The following WHRN variants were observed in gnomAD, a reference collection of about 807,000 sequenced individuals.
The protein encoded by WHRN is CASK-interacting protein CIP98.
In WHRN, 41 loss-of-function variants were observed where a neutral mutation model predicts 68.3. That is an observed-to-expected ratio of 0.60 (90% CI 0.47 to 0.78). WHRN has a LOEUF of 0.78. WHRN is among the 30% of genes least tolerant of loss of function. WHRN has a pLI of 0.00. For synonymous variants in WHRN, 560 were observed against 561.3 expected, an observed-to-expected ratio of 1.00 and a Z score of 0.03; for missense variants, 1,243 against 1,244.7, an observed-to-expected ratio of 1.00 and a Z score of 0.02.
chr9:114,491,395 T>G (rs1362812606), intron 1 of WHRN, among the ~76,000 whole-genome samples: 1 of 152,224 alleles, frequency 6.6e-6, no homozygotes, highest in Non-Finnish European at 1.5e-5. Flanking sequence ...TGCAAAACTC[T>G]TGTGATAAAT....
Position 114,486,979 on chromosome 9 carries a change from A to G in WHRN, c.619-8208T>C, listed in dbSNP as rs1284852219. On this transcript the variant is annotated intron_variant, in intron 1 of 11. Coordinates refer to ENST00000362057, the MANE Select transcript of WHRN (RefSeq NM_015404.4). ...TGTGTGTATATATATATATATATAT[A>G]TATATATATATATATATATATATAT... Among the ~76,000 whole-genome samples, 21 of 3,046 alleles carry G rather than the reference A, an allele frequency of 6.9e-3. 2 individuals carry two copies. Among genetic ancestry groups the G allele is most frequent in the African/African-American group, 8.8e-3 (21 of 2,398 alleles). The allele number at this position is 3,046 out of a possible 152,430, so 2.0% of individuals were successfully genotyped here.
At chr9:114,446,868 C>T (rs1838864177) in intron 3 of WHRN, among the ~76,000 whole-genome samples, 1 of 152,090 alleles carries the variant, frequency 6.6e-6, no homozygotes, top group Admixed American at 6.5e-5. Context: ...CTTGGAAAAG[C>T]TGTTGGAGCA....
At chr9:114,483,766 G>C (rs545745001) in intron 1 of WHRN, among the ~76,000 whole-genome samples, 85 of 152,358 alleles carry the variant, frequency 5.6e-4, no homozygotes, top group South Asian at 1.0e-3. Context: ...CTCTGGCAAT[G>C]AGCAGGTTGG....
At chr9:114,454,252 T>C (rs915365373) in intron 3 of WHRN, among the ~76,000 whole-genome samples, 4 of 152,170 alleles carry the variant, frequency 2.6e-5, no homozygotes, top group African/African-American at 7.2e-5. Context: ...ATACTAGACA[T>C]TGTAGTCAGT....
At chr9:114,436,693 G>A (rs758139417) in intron 3 of WHRN, among the ~76,000 whole-genome samples, 2 of 152,100 alleles carry the variant, frequency 1.3e-5, no homozygotes, top group Non-Finnish European at 2.9e-5. Flanking sequence ...GCCGGGCATG[G>A]TGGTAGGCAC....
intron 1 of WHRN, chr9:114,503,605 G>T (rs1844124821): frequency 1.3e-5 from 2 of 153,020 alleles, no homozygotes; most frequent in African/African-American, 4.8e-5. Context: ...TTTCCAAAAA[G>T]GTTAGGGACC....
Position 114,504,307 on chromosome 9 carries a change from G to T in WHRN, c.495C>A (p.Gly165=). ...SIRGGSEHGV[G]IYVSLVEPGS... ...CTGGTTCCACCAGAGACACGTAGAT[G>T]CCCACGCCGTGCTCCGAGCCCCCAC... The change falls in exon 1 of 12, where the codon GGC becomes GGA. Residue 165 remains glycine, a synonymous_variant. Transcript: ENST00000362057. 1 of 1,613,048 alleles carries T rather than the reference G, an allele frequency of 6.2e-7. No individual in the cohort carries two copies.
chr9:114,430,763 A>T (rs1299786937), intron 3 of WHRN, among the ~76,000 whole-genome samples: 2 of 152,226 alleles, frequency 1.3e-5, no homozygotes, highest in African/African-American at 4.8e-5. Flanking sequence ...AATGGGAGTC[A>T]CACTTGGGAA....
At chr9:114,436,984 C>A (rs1465934973) in intron 3 of WHRN, among the ~76,000 whole-genome samples, 1 of 151,864 alleles carries the variant, frequency 6.6e-6, no homozygotes, top group South Asian at 2.1e-4. Context: ...CTATGAGAAA[C>A]CCTGATACAG....
chr9:114,485,208 T>C (rs1399487689), intron 1 of WHRN, among the ~76,000 whole-genome samples: 1 of 152,218 alleles, frequency 6.6e-6, no homozygotes, highest in Non-Finnish European at 1.5e-5. Flanking sequence ...GGAGAACTGG[T>C]CTAAGACCCA....
intron 2 of WHRN, among the ~76,000 whole-genome samples, chr9:114,476,627 C>T (rs147357618): frequency 8.5e-4 from 130 of 152,232 alleles, no homozygotes; most frequent in Non-Finnish European, 1.4e-3. Flanking sequence ...TCTCACTCTT[C>T]CCACCACCTC....
intron 5 of WHRN, 52 bp downstream of exon 5, chr9:114,424,936 T>A: frequency 5.6e-6 from 9 of 1,598,372 alleles, no homozygotes; most frequent in Non-Finnish European, 7.7e-6. Flanking sequence ...CCAGACCTCC[T>A]CACTCAGGGA....
chr9:114,445,539 A>G (rs1162276889), intron 3 of WHRN, among the ~76,000 whole-genome samples: 2 of 152,210 alleles, frequency 1.3e-5, no homozygotes, highest in Non-Finnish European at 2.9e-5. Context: ...GTATAAAGAA[A>G]AAAATTCCAC....
chr9:114,483,364 C>T (rs1236019649), intron 1 of WHRN, among the ~76,000 whole-genome samples: 2 of 152,172 alleles, frequency 1.3e-5, no homozygotes, highest in Non-Finnish European at 2.9e-5. Flanking sequence ...GGGAAGAGGA[C>T]GGTCTCTGCT....
At chr9:114,422,769 A>G (rs1410563432) in intron 7 of WHRN, among the ~76,000 whole-genome samples, 1 of 152,154 alleles carries the variant, frequency 6.6e-6, no homozygotes, top group Non-Finnish European at 1.5e-5. Context: ...GGGGAGGTGG[A>G]GGTTGCAGTG....
In WHRN at chr9:114,504,991, C is replaced by G. The variant is rs910161349; in HGVS notation, c.-190G>C. Reference sequence around the variant, plus strand: ...GAGACCGCTGCTAGAGTCCCGGAGGCGCGAAGACGGCGGGGGTCGCGAACC... The same window carrying G: ...GAGACCGCTGCTAGAGTCCCGGAGGGGCGAAGACGGCGGGGGTCGCGAACC... On this transcript the variant is annotated 5_prime_UTR_variant, in exon 1 of 12. Transcript: ENST00000362057. 3.4e-5 allele frequency: 28 copies of G among 822,302 alleles called. No individual in the cohort carries two copies. The African/African-American group carries it at 4.7e-4, about 14-fold the overall frequency. The allele number at this position is 822,302 out of a possible 1,614,324, so 50.9% of individuals were successfully genotyped here. A position where few individuals can be genotyped will look rare whatever the true frequency, so the allele number is the denominator to read the frequency against.
intron 3 of WHRN, among the ~76,000 whole-genome samples, chr9:114,460,541 C>A (rs1212221383): frequency 2.0e-5 from 3 of 152,180 alleles, no homozygotes; most frequent in Non-Finnish European, 4.4e-5. Context: ...GGGTTTGAAG[C>A]TGGGGGGCAG....
intron 2 of WHRN, among the ~76,000 whole-genome samples, chr9:114,469,443 C>G (rs9657662): frequency 0.28 from 42,545 of 152,158 alleles, 6,204 homozygotes; most frequent in Admixed American, 0.36. Context: ...CCCTCCAGGA[C>G]CAAGGCGCTC....
chr9:114,470,366 C>T (rs554041356), intron 2 of WHRN, among the ~76,000 whole-genome samples: 20 of 152,166 alleles, frequency 1.3e-4, no homozygotes, highest in African/African-American at 4.3e-4. Flanking sequence ...CGTGCAGCCC[C>T]GAAGAGTCAC....
Sources: allele counts gnomAD v4.1 joint callset (sites outside exome capture counted in the v4.1 genomes callset), GRCh38; gene constraint gnomAD v4.1.1; transcripts MANE v1.5; gene names NCBI Gene and HGNC (gene_info 2026-07-23, HGNC 2026-07-21).